Variants in PCSK5 observed in about 807,000 individuals in gnomAD.
PCSK5 encodes proprotein convertase subtilisin/kexin type 5.
Under a neutral mutation model 233.2 loss-of-function variants are expected in PCSK5, and 129 were observed. The ratio of observed to expected loss-of-function variants is 0.55; its 90% CI spans 0.48 to 0.64. PCSK5 has a LOEUF of 0.64. PCSK5 is among the 30% of genes least tolerant of loss of function. PCSK5 has a pLI of 0.00. For synonymous variants in PCSK5, 825 were observed against 879.2 expected (o/e 0.94, Z 1.09); for missense variants, 2,076 against 2,430.1 (o/e 0.85, Z 3.06).
chr9:76,254,741 T>A (rs1220264003), intron 24 of PCSK5, among the ~76,000 whole-genome samples: 1 of 152,218 alleles, frequency 6.6e-6, no homozygotes, highest in Admixed American at 6.5e-5. Flanking sequence ...CTGAACAGCA[T>A]CTCTCAGTTT....
intron 17 of PCSK5, among the ~76,000 whole-genome samples, chr9:76,187,899 AAAGTC>A (rs1199063595): frequency 6.6e-6 from 1 of 152,226 alleles, no homozygotes; most frequent in African/African-American, 2.4e-5. Flanking sequence ...ACAACAAAGA[AAAGTC>A]AAGATGATTG....
chr9:76,038,273 C>CCCA (rs1828947455), intron 5 of PCSK5, among the ~76,000 whole-genome samples: 1 of 152,084 alleles, frequency 6.6e-6, no homozygotes, highest in Admixed American at 6.5e-5. Flanking sequence ...ATCCTGATAC[C>CCCA]TTGATCTTCC....
chr9:75,892,532 C>G (rs1036932859), intron 1 of PCSK5, among the ~76,000 whole-genome samples: 7 of 152,216 alleles, frequency 4.6e-5, no homozygotes, highest in African/African-American at 1.7e-4. Context: ...GCTTTGGGGA[C>G]TGCCCGGGGT....
chr9:76,219,934 A>G (rs1384463608), intron 20 of PCSK5, among the ~76,000 whole-genome samples: 2 of 152,230 alleles, frequency 1.3e-5, no homozygotes, highest in African/African-American at 2.4e-5. Context: ...TGCATCAGAC[A>G]CTGTACTGTT....
Position 76,023,856 on chromosome 9 carries a change from C to T in PCSK5, c.530C>T (p.Thr177Ile). ...ATCCTGGATGACGGAATTGAGAGAA[C>T]CCATCCAGATCTGATGCAAAACTAC... ...VTILDDGIER[T>I]HPDLMQNYDA... The change falls in exon 4 of 38, where the codon ACC (threonine) becomes ATC (isoleucine). Residue 177 changes from threonine to isoleucine, a missense_variant. Physicochemically the swap from Thr to Ile is moderately conservative, Grantham distance 89. Coordinates refer to ENST00000674117, the MANE Select transcript of PCSK5 (RefSeq NM_001372043.1). The T allele has an allele frequency of 1.2e-6, 2 of 1,613,178 alleles. No individual in the cohort carries two copies. Among genetic ancestry groups the T allele is most frequent in the Non-Finnish European group, 1.7e-6 (2 of 1,179,510 alleles).
intron 24 of PCSK5, among the ~76,000 whole-genome samples, chr9:76,247,250 C>CGAAA (rs1351385219): frequency 6.6e-6 from 1 of 152,036 alleles, no homozygotes; most frequent in Non-Finnish European, 1.5e-5. Context: ...TGGACGCGAG[C>CGAAA]GAAACTTCAG....
In PCSK5 at chr9:76,233,544, C is replaced by T; in HGVS notation, c.2814C>T (p.Thr938=). The part of the protein sequence containing the change: ...FENQCHPCHH[T]CQRCQGSGPT... ...ACCAATGCCATCCATGCCACCACAC[C>T]TGCCAGAGATGCCAAGGAAGTGGCC... The change falls in exon 22 of 38, where the codon ACC becomes ACT. Residue 938 remains threonine (T), a synonymous_variant. Transcript: ENST00000674117. 6.2e-7 allele frequency: 1 copy of T among 1,612,384 alleles called. No homozygotes were observed. The highest frequency in any genetic ancestry group is 1.3e-5 in the African/African-American group (1 of 75,060).
intron 24 of PCSK5, among the ~76,000 whole-genome samples, chr9:76,272,846 G>T (rs1489533897): frequency 7.1e-6 from 1 of 140,668 alleles, no homozygotes; most frequent in Middle Eastern, 4.1e-3. Context: ...CATTATCATT[G>T]ATCTTCAGCC....
intron 5 of PCSK5, 65 bp downstream of exon 5, chr9:76,027,102 G>A (rs1828458522): frequency 2.0e-6 from 2 of 980,712 alleles, no homozygotes; most frequent in African/African-American, 3.2e-5. Flanking sequence ...TGCTCATACT[G>A]AGGGAAGTAT....
intron 24 of PCSK5, among the ~76,000 whole-genome samples, chr9:76,272,773 CAAAAAAA>C (rs71372058): frequency 2.4e-4 from 12 of 49,980 alleles, no homozygotes; most frequent in South Asian, 1.6e-3. Flanking sequence ...GACTCCATCT[CAAAAAAA>C]AAAAAAAAAA....
intron 3 of PCSK5, among the ~76,000 whole-genome samples, chr9:75,992,857 A>G (rs1826833718): frequency 6.6e-6 from 1 of 152,214 alleles, no homozygotes; most frequent in South Asian, 2.1e-4. Flanking sequence ...GAAGGAAAAA[A>G]AATTCATATT....
At chr9:76,357,525 A>C (rs905355029) in intron 37 of PCSK5, among the ~76,000 whole-genome samples, 1 of 152,180 alleles carries the variant, frequency 6.6e-6, no homozygotes, top group Admixed American at 6.5e-5. Flanking sequence ...TCTCAAAAAA[A>C]AAAACTCTTA....
At chr9:76,280,065 T>A (rs1440088294) in intron 24 of PCSK5, among the ~76,000 whole-genome samples, 2 of 152,170 alleles carry the variant, frequency 1.3e-5, no homozygotes, top group African/African-American at 4.8e-5. Flanking sequence ...CTACCACTCC[T>A]CCAATAGCAC....
intron 5 of PCSK5, among the ~76,000 whole-genome samples, chr9:76,029,816 T>A (rs1828580803): frequency 6.6e-6 from 1 of 152,198 alleles, no homozygotes; most frequent in Admixed American, 6.6e-5. Flanking sequence ...AGGCAAGTTT[T>A]CTTAAGGGGC....
intron 3 of PCSK5, among the ~76,000 whole-genome samples, chr9:76,017,436 A>G (rs1282196886): frequency 6.6e-6 from 1 of 152,228 alleles, no homozygotes; most frequent in Non-Finnish European, 1.5e-5. Context: ...TAGCATGATC[A>G]TAACAGCAAC....
chr9:76,050,777 A>T (rs1399012931), intron 5 of PCSK5, among the ~76,000 whole-genome samples: 4 of 152,206 alleles, frequency 2.6e-5, no homozygotes, highest in African/African-American at 9.6e-5. Context: ...ATTAGGCCAC[A>T]GGAGGTAATT....
chr9:76,095,857 C>T (rs2131650042), intron 7 of PCSK5, 33 bp from the exon 8 acceptor site: 2 of 1,593,064 alleles, frequency 1.3e-6, no homozygotes, highest in Admixed American at 1.7e-5. Flanking sequence ...AGTCATTTCA[C>T]ACCATCATTT....
chr9:76,224,311 C>G (rs1825815146), intron 20 of PCSK5, among the ~76,000 whole-genome samples: 1 of 152,002 alleles, frequency 6.6e-6, no homozygotes, highest in Non-Finnish European at 1.5e-5. Context: ...AAGATTATAA[C>G]AGTAGATGGG....
At chr9:76,108,520 C>G (rs961041131) in intron 9 of PCSK5, among the ~76,000 whole-genome samples, 6 of 152,132 alleles carry the variant, frequency 3.9e-5, no homozygotes, top group Non-Finnish European at 7.4e-5. Flanking sequence ...TTTGGGAGGC[C>G]AAGGCGGGTG....
Sources: allele counts gnomAD v4.1 joint callset (sites outside exome capture counted in the v4.1 genomes callset), GRCh38; gene constraint gnomAD v4.1.1; transcripts MANE v1.5; gene names NCBI Gene and HGNC (gene_info 2026-07-23, HGNC 2026-07-21).